Variants in MICAL3 observed in about 807,000 individuals in gnomAD.
The protein encoded by MICAL3 is [F-actin]-monooxygenase MICAL3.
A neutral mutation model predicts 207.4 loss-of-function variants in MICAL3; 62 were observed. That is an observed-to-expected ratio of 0.30 (90% CI 0.24 to 0.37). The LOEUF is 0.37. Among genes scored for constraint, MICAL3 ranks in the 10% least tolerant of loss-of-function variants. The pLI is 1.00. For synonymous variants in MICAL3, 1,077 were observed against 1,069.3 expected, an observed-to-expected ratio of 1.01 and a Z score of -0.14; for missense variants, 2,368 against 2,635.6, an observed-to-expected ratio of 0.90 and a Z score of 2.22.
rs1418455635 is a variant in MICAL3, at chr22:17,895,297, AG to A, written c.1435del (p.Leu479SerfsTer26). 1 of 1,613,704 alleles carries A rather than the reference AG, an allele frequency of 6.2e-7. No homozygotes were observed. Among genetic ancestry groups the A allele is most frequent in the South Asian group, 1.1e-5 (1 of 90,962 alleles). On this transcript the variant is annotated frameshift_variant, in exon 10 of 32. Coordinates refer to ENST00000441493, the MANE Select transcript of MICAL3 (RefSeq NM_015241.3). LOFTEE classifies it high-confidence loss of function. ...AGAAGGTCTTACCTGGCTTGGCCGG[AG>A]GAAGTTGACGTTGATATTGGGATAC... Reference protein sequence around the residue: ...TRYPNINVNFLRPSQVRHLYD... With the variant: ...TRYPNINVNFXRPSQVRHLYD...
At position 17,985,623 on chromosome 22, in the gene MICAL3, T is replaced by G. The variant is rs137945208; in HGVS notation, c.-75+38658A>C. ...AAAGCATGCCTGCCCAATTCTATATTCAAATTTTATTCCCAGTAGGCCCCT... is the reference window on the plus strand; with the variant it reads ...AAAGCATGCCTGCCCAATTCTATATGCAAATTTTATTCCCAGTAGGCCCCT... On this transcript the variant is annotated intron_variant, in intron 1 of 31. Transcript: ENST00000441493. Among the ~76,000 whole-genome samples the G allele has an allele frequency of 1.0e-2, 1,515 of 152,180 alleles. 21 individuals are homozygous for G. Among genetic ancestry groups the G allele is most frequent in the African/African-American group, 0.024 (1,001 of 41,514 alleles).
chr22:17,820,661 G>T (rs1357346327), intron 25 of MICAL3, among the ~76,000 whole-genome samples: 1 of 151,988 alleles, frequency 6.6e-6, no homozygotes, highest in Non-Finnish European at 1.5e-5. Context: ...GCCAGATGTT[G>T]TAAATTTCAA....
In MICAL3 at chr22:17,788,425, C is replaced by A; in HGVS notation, c.*2307G>T. The A allele has an allele frequency of 6.6e-6, 1 of 152,478 alleles. No individual in the cohort carries two copies. Among genetic ancestry groups the A allele is most frequent in the Non-Finnish European group, 1.5e-5 (1 of 68,122 alleles). The allele number at this position is 152,478 out of a possible 1,614,324, so 9.4% of individuals were successfully genotyped here. On this transcript the variant is annotated 3_prime_UTR_variant, in exon 32 of 32. Transcript: ENST00000441493. ...GCAGATCCCTAGGCCACACTCCTTC[C>A]AAGCCACTTTGCAAACTGTTTCCCT...
At chr22:17,973,669 C>T (rs752843190) in intron 1 of MICAL3, among the ~76,000 whole-genome samples, 17 of 152,186 alleles carry the variant, frequency 1.1e-4, no homozygotes, top group Non-Finnish European at 1.6e-4. Context: ...TGGCTCACAC[C>T]TGAAATCCCT....
chr22:17,899,246 C>T, intron 7 of MICAL3: 1 of 654,094 alleles, frequency 1.5e-6, no homozygotes, highest in Non-Finnish European at 2.8e-6. Context: ...TTACACTATT[C>T]TCCCCCCGTT....
intron 29 of MICAL3, among the ~76,000 whole-genome samples, chr22:17,800,813 G>C (rs1203018099): frequency 6.6e-6 from 1 of 152,190 alleles, no homozygotes; most frequent in African/African-American, 2.4e-5. Context: ...GATCTCAAAA[G>C]GGTGATTTTC....
intron 16 of MICAL3, among the ~76,000 whole-genome samples, chr22:17,876,237 C>T (rs886134664): frequency 3.3e-5 from 5 of 152,196 alleles, no homozygotes; most frequent in Admixed American, 6.5e-5. Flanking sequence ...AGCTAGGAAC[C>T]CAGTCCCCAG....
chr22:17,981,207 G>A (rs1325977547), intron 1 of MICAL3, among the ~76,000 whole-genome samples: 1 of 150,918 alleles, frequency 6.6e-6, no homozygotes, highest in Non-Finnish European at 1.5e-5. Context: ...ACTTAATAAA[G>A]CACATAGGAA....
chr22:17,876,703 T>TGGAGGTTAGGGAGGTTATGGAGGTTAG (rs1928394726), intron 16 of MICAL3: 2 of 149,894 alleles, frequency 1.3e-5, no homozygotes, highest in South Asian at 2.1e-4. Flanking sequence ...TGCAGGGTTA[T>TGGAGGTTAGGGAGGTTATGGAGGTTAG]GGAGGTTAGG....
chr22:18,000,025 T>C (rs1036437854), intron 1 of MICAL3, among the ~76,000 whole-genome samples: 3 of 152,162 alleles, frequency 2.0e-5, no homozygotes. Context: ...CACAATGAAC[T>C]GGCCTGTGTG....
chr22:17,877,117 G>C (rs1298007031), intron 16 of MICAL3, among the ~76,000 whole-genome samples: 6 of 108,640 alleles, frequency 5.5e-5, no homozygotes, highest in Non-Finnish European at 9.7e-5. Flanking sequence ...ATGGAGGTTA[G>C]GGAGGTTATG....
rs755723849 is a variant in MICAL3, at chr22:17,789,653, G to A, written c.*1079C>T. The A allele has an allele frequency of 1.3e-5, 2 of 152,390 alleles. No homozygotes were observed. Among genetic ancestry groups the A allele is most frequent in the East Asian group, 1.9e-4 (1 of 5,172 alleles). The allele number at this position is 152,390 out of a possible 1,614,324, so 9.4% of individuals were successfully genotyped here. ...CTGATGCCAGCCAGGCCAGTGATAC[G>A]AAGAGAAAGGCTAATAAATAGATGC... On this transcript the variant is annotated 3_prime_UTR_variant, in exon 32 of 32. Transcript: ENST00000441493.
intron 27 of MICAL3, chr22:17,812,519 T>C: frequency 1.0e-6 from 1 of 985,872 alleles, no homozygotes; most frequent in Non-Finnish European, 1.2e-6. Context: ...TTGATGCACA[T>C]GATCTCCTGA....
Position 17,838,913 on chromosome 22 carries a change from C to G in MICAL3, c.2801+2909G>C, listed in dbSNP as rs140312442. Among the ~76,000 whole-genome samples the G allele has an allele frequency of 4.0e-3, 605 of 151,452 alleles. 4 individuals are homozygous for G. Among genetic ancestry groups the G allele is most frequent in the Middle Eastern group, 0.014 (4 of 288 alleles). On this transcript the variant is annotated intron_variant, in intron 20 of 31. Coordinates refer to ENST00000441493, the MANE Select transcript of MICAL3 (RefSeq NM_015241.3). ...TTCCCGTCCTGTGTCCTACGGCCACCCAGGGAAGTAAGACAACATTTATAG... is the reference window on the plus strand; with the variant it reads ...TTCCCGTCCTGTGTCCTACGGCCACGCAGGGAAGTAAGACAACATTTATAG...
At position 17,896,978 on chromosome 22, in the gene MICAL3, A is replaced by G; in HGVS notation, c.952T>C (p.Tyr318His). ...LLDKGVILHD[Y>H]ADTELLLSRE... ...GAAAGCAGGAGCTCTGTGTCGGCGT[A>G]GTCCTGTCTCCAGAGAAAGAGGAGG... The change falls in exon 8 of 32, where the codon TAC (tyrosine) becomes CAC (histidine). Residue 318 changes from tyrosine to histidine, a missense_variant. Around this residue, in one of 4 missense-constraint regions of MICAL3, gnomAD observed 400 missense variants for 547.0 expected, o/e 0.73. Transcript: ENST00000441493. 14 of 1,610,788 alleles carry G rather than the reference A, an allele frequency of 8.7e-6. No individual in the cohort carries two copies. The highest frequency in any genetic ancestry group is 1.2e-5 in the Non-Finnish European group (14 of 1,178,188).
chr22:17,990,612 A>G (rs898757381), intron 1 of MICAL3, among the ~76,000 whole-genome samples: 3 of 152,212 alleles, frequency 2.0e-5, no homozygotes, highest in Non-Finnish European at 4.4e-5. Flanking sequence ...AGTACAGCAC[A>G]GTCGGGTTCC....
At chr22:17,878,267 C>CT (rs1216391776) in intron 16 of MICAL3, among the ~76,000 whole-genome samples, 1 of 152,194 alleles carries the variant, frequency 6.6e-6, no homozygotes, top group Non-Finnish European at 1.5e-5. Context: ...GGCTGCTTTC[C>CT]TTTTTGAGGG....
intron 1 of MICAL3, among the ~76,000 whole-genome samples, chr22:17,976,585 A>ATTTT (rs1372475997): frequency 1.3e-4 from 11 of 83,572 alleles, no homozygotes; most frequent in Admixed American, 5.0e-4. Flanking sequence ...ATATATATAT[A>ATTTT]TATATTTTTT....
In MICAL3 at chr22:17,841,977, C is replaced by T. The variant is rs1054581277; in HGVS notation, c.2646G>A (p.Lys882=). Residue 882 remains lysine (K), a synonymous_variant, in exon 20 of 32, where the codon AAG becomes AAA. Transcript: ENST00000441493. This position sits in a 1 kb window ranked among gnomAD's most constrained non-coding sequence, Gnocchi z 4.2. The part of the protein sequence containing the change: ...VNGLEEPSIA[K]RLRGTPERIE... ...TCCGCTCTGGGGTGCCCCTCAGTCG[C>T]TTGGCGATGCTGGGCTCCTCCAGGC... 6.8e-6 allele frequency: 11 copies of T among 1,606,198 alleles called. No individual in the cohort carries two copies. In the Admixed American group the frequency reaches 1.7e-4, roughly 24 times the overall value.
Sources: allele counts gnomAD v4.1 joint callset (sites outside exome capture counted in the v4.1 genomes callset), GRCh38; gene constraint gnomAD v4.1.1; regional missense constraint gnomAD v4.1.1; non-coding constraint Gnocchi (gnomAD v3.1); transcripts MANE v1.5; gene names NCBI Gene and HGNC (gene_info 2026-07-23, HGNC 2026-07-21).